Variants in RNF24 observed in about 807,000 individuals in gnomAD.
The protein encoded by RNF24 is ring finger protein 24.
Under a neutral mutation model 20.0 loss-of-function variants are expected in RNF24, and 14 were observed. That is an observed-to-expected ratio of 0.70 (90% CI 0.46 to 1.10). RNF24 has a LOEUF of 1.10. RNF24 is among the 50% of genes least tolerant of loss of function. The probability of loss-of-function intolerance (pLI) is 0.00; values close to 1 mark genes in which losing one functional copy is unlikely to be tolerated. For missense variants in RNF24, 124 were observed against 177.6 expected (o/e 0.70, Z 1.71); for synonymous variants, 45 against 61.1 (o/e 0.74, Z 1.23).
At chr20:3,981,282 C>T (rs990893073) in intron 1 of RNF24, among the ~76,000 whole-genome samples, 1 of 152,068 alleles carries the variant, frequency 6.6e-6, no homozygotes, top group East Asian at 1.9e-4. Flanking sequence ...CCCTGCTTTA[C>T]GATTTCTATC....
At chr20:3,955,440 A>C (rs1365509645) in intron 2 of RNF24, among the ~76,000 whole-genome samples, 1 of 152,144 alleles carries the variant, frequency 6.6e-6, no homozygotes, top group Non-Finnish European at 1.5e-5. Context: ...TCAATTTGTC[A>C]TAGATGTTTG....
rs2090785534 is a variant in RNF24, at chr20:3,929,377, T to TAAC, written c.*4683_*4685dup. The stretch of plus-strand genomic sequence containing the variant: ...TGGTGCCACTGCACTCCAGTCTGGG[T>TAAC]AACAAGACCCTGTCTCAACAACAAC... On this transcript the variant is annotated 3_prime_UTR_variant, in exon 6 of 6. Coordinates refer to ENST00000358395, the MANE Select transcript of RNF24 (RefSeq NM_001134337.3). 6.6e-6 allele frequency: 1 copy of TAAC among 152,248 alleles called. No individual in the cohort carries two copies. The highest frequency in any genetic ancestry group is 1.5e-5 in the Non-Finnish European group (1 of 68,124). 9.4% of individuals were successfully genotyped at this position (152,248 alleles called of 1,614,324 possible).
intron 1 of RNF24, among the ~76,000 whole-genome samples, chr20:3,967,710 G>C (rs574743447): frequency 6.6e-6 from 1 of 152,266 alleles, no homozygotes; most frequent in East Asian, 1.9e-4. Context: ...AAAATGCTCA[G>C]AAGTGCCGGG....
At chr20:3,962,207 T>A (rs758353763) in intron 2 of RNF24, among the ~76,000 whole-genome samples, 1 of 151,770 alleles carries the variant, frequency 6.6e-6, no homozygotes, top group Admixed American at 6.6e-5. Context: ...ACAAAAAAAA[T>A]TGGCCAGGTG....
At chr20:3,939,724 C>CA (rs1232994079) in intron 4 of RNF24, among the ~76,000 whole-genome samples, 1 of 152,092 alleles carries the variant, frequency 6.6e-6, no homozygotes, top group Non-Finnish European at 1.5e-5. Flanking sequence ...ATCTGCTTGT[C>CA]AATTTGTGCA....
intron 2 of RNF24, among the ~76,000 whole-genome samples, chr20:3,950,773 A>G (rs552454081): frequency 6.6e-6 from 1 of 152,334 alleles, no homozygotes; most frequent in African/African-American, 2.4e-5. Flanking sequence ...ACCATAGTAC[A>G]ATTATCAAAA....
At chr20:3,985,191 G>C (rs566408186) in intron 1 of RNF24, among the ~76,000 whole-genome samples, 6 of 151,986 alleles carry the variant, frequency 3.9e-5, no homozygotes, top group Non-Finnish European at 4.4e-5. Flanking sequence ...TTCATCAAAG[G>C]ATGTTGTAAT....
intron 2 of RNF24, among the ~76,000 whole-genome samples, chr20:3,955,009 C>T (rs1188018645): frequency 6.6e-6 from 1 of 152,034 alleles, no homozygotes; most frequent in Non-Finnish European, 1.5e-5. Context: ...TTCTCCACAT[C>T]CTCATTAACA....
In RNF24 at chr20:4,015,473, C is replaced by T. The variant is rs1343663695; in HGVS notation, c.-44G>A. On this transcript the variant is annotated 5_prime_UTR_variant, in exon 1 of 6. Coordinates refer to ENST00000358395, the MANE Select transcript of RNF24 (RefSeq NM_001134337.3). ...GGTGGCAGCGGCAGACGTGCGGGACCGTCAGCGCCCTGCGGCGGGCGGCAG... is the reference window on the plus strand; with the variant it reads ...GGTGGCAGCGGCAGACGTGCGGGACTGTCAGCGCCCTGCGGCGGGCGGCAG... 1.3e-5 allele frequency: 2 copies of T among 151,224 alleles called. No homozygotes were observed. The highest frequency in any genetic ancestry group is 3.0e-5 in the Non-Finnish European group (2 of 67,730). The allele number at this position is 151,224 out of a possible 1,614,324, so 9.4% of individuals were successfully genotyped here. A position where few individuals can be genotyped will look rare whatever the true frequency, so the allele number is the denominator to read the frequency against.
chr20:3,960,319 TG>T (rs2146982990), intron 2 of RNF24, among the ~76,000 whole-genome samples: 1 of 152,344 alleles, frequency 6.6e-6, no homozygotes, highest in South Asian at 2.1e-4. Flanking sequence ...CCATTTGAAG[TG>T]TTAAAGGTAA....
chr20:4,005,769 G>T (rs762764533), intron 1 of RNF24, among the ~76,000 whole-genome samples: 1 of 151,500 alleles, frequency 6.6e-6, no homozygotes, highest in Non-Finnish European at 1.5e-5. Context: ...AAACTTAACA[G>T]ATACTGCAGC....
chr20:3,997,579 A>G (rs1275114150), intron 1 of RNF24, among the ~76,000 whole-genome samples: 2 of 151,532 alleles, frequency 1.3e-5, no homozygotes, highest in African/African-American at 4.8e-5. Flanking sequence ...GACATGTGCT[A>G]CCACGCCCAG....
At chr20:3,952,884 A>C (rs1211665986) in intron 2 of RNF24, among the ~76,000 whole-genome samples, 1 of 152,146 alleles carries the variant, frequency 6.6e-6, no homozygotes. Context: ...ATTTGGTTGT[A>C]ATATTCTACC....
At chr20:4,014,148 G>A (rs1982684252) in intron 1 of RNF24, among the ~76,000 whole-genome samples, 1 of 152,220 alleles carries the variant, frequency 6.6e-6, no homozygotes, top group Non-Finnish European at 1.5e-5. Context: ...TCCTGTAAGA[G>A]GAGCCATTGA....
intron 1 of RNF24, among the ~76,000 whole-genome samples, chr20:4,012,466 T>C (rs2122175642): frequency 6.6e-6 from 1 of 151,642 alleles, no homozygotes. Context: ...CAATTATTGA[T>C]AGAGAATGCT....
chr20:3,956,264 T>G (rs2091141565), intron 2 of RNF24, among the ~76,000 whole-genome samples: 1 of 141,922 alleles, frequency 7.0e-6, no homozygotes, highest in African/African-American at 2.6e-5. Context: ...TGTGTGTGTG[T>G]TTTTTTTTTT....
At chr20:3,941,799 G>A (rs1033854396) in intron 4 of RNF24, among the ~76,000 whole-genome samples, 2 of 152,266 alleles carry the variant, frequency 1.3e-5, no homozygotes, top group African/African-American at 4.8e-5. Flanking sequence ...ATGAAGCTGG[G>A]CATGGTGGCT....
chr20:3,967,718 G>A (rs749211548), intron 1 of RNF24, among the ~76,000 whole-genome samples: 15 of 152,150 alleles, frequency 9.9e-5, no homozygotes, highest in Non-Finnish European at 1.6e-4. Flanking sequence ...CAGAAGTGCC[G>A]GGTGCAGTGG....
intron 3 of RNF24, among the ~76,000 whole-genome samples, chr20:3,945,540 C>T (rs906487580): frequency 6.6e-6 from 1 of 151,968 alleles, no homozygotes; most frequent in Non-Finnish European, 1.5e-5. Context: ...CATAGTGAAA[C>T]CCTGTCTCTA....
Sources: gnomAD v4.1 joint callset for allele counts (sites outside exome capture counted in the v4.1 genomes callset) on GRCh38, gnomAD v4.1.1 for gene constraint, MANE v1.5 for transcripts, NCBI Gene and HGNC (gene_info 2026-07-23, HGNC 2026-07-21) for gene names.